PPARGC1A: variants seen among roughly 807,000 people sequenced by gnomAD.
PPARGC1A encodes PPARG coactivator 1 alpha, also known as peroxisome proliferator-activated receptor gamma coactivator 1-alpha.
Under a neutral mutation model 88.7 loss-of-function variants are expected in PPARGC1A, and 25 were observed. The observed-to-expected ratio is 0.28, with a 90% CI of 0.21 to 0.39. The LOEUF (loss-of-function observed/expected upper bound fraction) is 0.39. Among genes scored for constraint, PPARGC1A ranks in the 10% least tolerant of loss-of-function variants. The probability of loss-of-function intolerance (pLI) is 1.00; values close to 1 mark genes in which losing one functional copy is unlikely to be tolerated. For missense variants in PPARGC1A, 880 were observed against 968.7 expected, an observed-to-expected ratio of 0.91 and a Z score of 1.22; for synonymous variants, 363 against 355.6, an observed-to-expected ratio of 1.02 and a Z score of -0.24.
the PPARGC1A span, among the ~76,000 whole-genome samples, chr4:24,064,992 G>A: frequency 2.6e-5 from 4 of 152,144 alleles, no homozygotes; most frequent in African/African-American, 9.7e-5. Context: ...GTTGTGCATT[G>A]AGCTCTCTAA....
At chr4:24,470,277 G>GACACAGACACACACACACAC in the PPARGC1A span, among the ~76,000 whole-genome samples, 13 of 110,740 alleles carry the variant, frequency 1.2e-4, no homozygotes, top group South Asian at 3.4e-4. This position sits in a 1 kb window ranked among gnomAD's most constrained non-coding sequence, Gnocchi z 5.8. Context: ...GACAGACACA[G>GACACAGACACACACACACAC]ACACACACAC....
the PPARGC1A span, among the ~76,000 whole-genome samples, chr4:24,438,163 T>C: frequency 2.6e-5 from 4 of 152,188 alleles, no homozygotes; most frequent in South Asian, 2.1e-4. Flanking sequence ...GTAGCACTGA[T>C]GACAGCCCTT....
chr4:24,386,083 T>G, the PPARGC1A span, among the ~76,000 whole-genome samples: 5 of 152,180 alleles, frequency 3.3e-5, no homozygotes, highest in African/African-American at 7.2e-5. Flanking sequence ...CAAGGCTGGT[T>G]CAACATATGC....
At chr4:24,359,593 A>T in the PPARGC1A span, among the ~76,000 whole-genome samples, 1 of 152,192 alleles carries the variant, frequency 6.6e-6, no homozygotes, top group Non-Finnish European at 1.5e-5. Context: ...TTATTTGGAA[A>T]TAGTGTCTTT....
the PPARGC1A span, among the ~76,000 whole-genome samples, chr4:23,958,388 T>C: frequency 2.0e-5 from 3 of 152,084 alleles, no homozygotes; most frequent in African/African-American, 7.2e-5. Context: ...AGCCAATAAA[T>C]AGATTTCAGA....
the PPARGC1A span, among the ~76,000 whole-genome samples, chr4:24,010,988 G>A: frequency 6.6e-6 from 1 of 152,076 alleles, no homozygotes; most frequent in African/African-American, 2.4e-5. Flanking sequence ...GTTCAACTAC[G>A]ATAATGAGGG....
the PPARGC1A span, among the ~76,000 whole-genome samples, chr4:24,396,444 C>T: frequency 6.6e-6 from 1 of 152,096 alleles, no homozygotes; most frequent in Middle Eastern, 3.2e-3. Context: ...CACTAAAGTA[C>T]TCCCATAGCA....
the PPARGC1A span, among the ~76,000 whole-genome samples, chr4:24,256,397 G>C: frequency 6.6e-6 from 1 of 152,172 alleles, no homozygotes; most frequent in South Asian, 2.1e-4. Flanking sequence ...CGCATTCGCA[G>C]ACAAAAAGGT....
At chr4:24,223,774 C>T in the PPARGC1A span, among the ~76,000 whole-genome samples, 1 of 152,134 alleles carries the variant, frequency 6.6e-6, no homozygotes, top group African/African-American at 2.4e-5. Context: ...TGGATTACAA[C>T]CACATTAAAT....
At chr4:24,182,247 T>C in the PPARGC1A span, among the ~76,000 whole-genome samples, 5 of 152,268 alleles carry the variant, frequency 3.3e-5, no homozygotes, top group East Asian at 7.7e-4. Flanking sequence ...ACATGCAGTG[T>C]TTGGTTTTCT....
the PPARGC1A span, among the ~76,000 whole-genome samples, chr4:23,909,461 G>GCTTATTCAT: frequency 6.6e-6 from 1 of 150,738 alleles, no homozygotes; most frequent in African/African-American, 2.4e-5. Context: ...GCAAGACCTT[G>GCTTATTCAT]CTTATTCATT....
chr4:24,443,124 TA>T, the PPARGC1A span, among the ~76,000 whole-genome samples: 1 of 152,200 alleles, frequency 6.6e-6, no homozygotes, highest in African/African-American at 2.4e-5. Context: ...ATGAAGTTAT[TA>T]ATATGCTTTT....
At chr4:24,029,665 G>A in the PPARGC1A span, among the ~76,000 whole-genome samples, 1 of 152,168 alleles carries the variant, frequency 6.6e-6, no homozygotes, top group Non-Finnish European at 1.5e-5. Flanking sequence ...AAAACAGGTA[G>A]TACAGTAGTT....
At chr4:24,345,718 G>A in the PPARGC1A span, among the ~76,000 whole-genome samples, 4 of 152,072 alleles carry the variant, frequency 2.6e-5, no homozygotes, top group African/African-American at 4.8e-5. Context: ...CAATCATATC[G>A]TCAGCAAACA....
At chr4:24,464,217 G>A in the PPARGC1A span, among the ~76,000 whole-genome samples, 11 of 152,196 alleles carry the variant, frequency 7.2e-5, no homozygotes, top group African/African-American at 2.2e-4. Context: ...ACAATAACCA[G>A]CTACTACTGC....
At chr4:23,997,556 G>T in the PPARGC1A span, among the ~76,000 whole-genome samples, 1 of 144,122 alleles carries the variant, frequency 6.9e-6, no homozygotes, top group Non-Finnish European at 1.5e-5. Context: ...ACGCTAGAGG[G>T]CAGTGGCATG....
the PPARGC1A span, among the ~76,000 whole-genome samples, chr4:23,909,996 G>GA: frequency 6.7e-6 from 1 of 149,564 alleles, no homozygotes; most frequent in Non-Finnish European, 1.5e-5. Flanking sequence ...ATTTTATTGT[G>GA]AAAATTGTTC....
chr4:24,439,169 T>C, the PPARGC1A span, among the ~76,000 whole-genome samples: 4 of 152,132 alleles, frequency 2.6e-5, no homozygotes, highest in Admixed American at 1.3e-4. Context: ...TCCACACCCA[T>C]CTCTGATTCT....
At chr4:24,083,530 C>A in the PPARGC1A span, among the ~76,000 whole-genome samples, 1 of 152,160 alleles carries the variant, frequency 6.6e-6, no homozygotes, top group Non-Finnish European at 1.5e-5. Flanking sequence ...TCTTTGCCAA[C>A]CTAGAAACCT....
Sources: allele counts gnomAD v4.1 joint callset (sites outside exome capture counted in the v4.1 genomes callset), GRCh38; gene constraint gnomAD v4.1.1; non-coding constraint Gnocchi (gnomAD v3.1); transcripts MANE v1.5; gene names NCBI Gene and HGNC (gene_info 2026-07-23, HGNC 2026-07-21).